The following NKD1 variants were observed in gnomAD, a reference collection of about 807,000 sequenced individuals.
NKD1 encodes the protein protein naked cuticle homolog 1.
A neutral mutation model predicts 56.0 loss-of-function variants in NKD1; 21 were observed. The ratio of observed to expected loss-of-function variants is 0.38; its 90% confidence interval spans 0.27 to 0.54. NKD1 has a LOEUF of 0.54. Among genes scored for constraint, NKD1 ranks in the 20% least tolerant of loss-of-function variants. The probability of loss-of-function intolerance (pLI) is 0.82; values close to 1 mark genes in which losing one functional copy is unlikely to be tolerated. For synonymous variants in NKD1, 263 were observed against 265.7 expected (o/e 0.99, Z 0.10); for missense variants, 578 against 642.7 (o/e 0.90, Z 1.09).
rs149792583 is a variant in NKD1, at chr16:50,632,930, C to T, written c.824-262C>T. On this transcript the variant is annotated intron_variant, in intron 9 of 9. Coordinates refer to ENST00000268459, the MANE Select transcript of NKD1 (RefSeq NM_033119.5). The surrounding 1 kb of genome is among the most constrained non-coding windows in gnomAD (Gnocchi z 4.1). ...TGCCCCAGTGACCTTAGATAGTTTT[C>T]GGGGTCTCTGCTGCCATCTGTCTTT... 3.0e-3 allele frequency among the ~76,000 whole-genome samples: 459 copies of T among 152,242 alleles called. 2 individuals are homozygous for T. Among genetic ancestry groups the T allele is most frequent in the Middle Eastern group, 0.01 (3 of 294 alleles).
At chr16:50,592,117 C>T (rs1304395643) in intron 3 of NKD1, among the ~76,000 whole-genome samples, 1 of 152,226 alleles carries the variant, frequency 6.6e-6, no homozygotes, top group Non-Finnish European at 1.5e-5. Flanking sequence ...GACGCCAGGC[C>T]TGTGTTTTGA....
At chr16:50,563,381 C>A (rs1960686733) in intron 3 of NKD1, among the ~76,000 whole-genome samples, 1 of 147,398 alleles carries the variant, frequency 6.8e-6, no homozygotes. Flanking sequence ...ATGGAGAAGA[C>A]CCTGTGTGTC....
rs1483596865 is a variant in NKD1, at chr16:50,562,983, A to ACCCCCCCCCCCCCCCCCCCC, written c.192+13430_192+13431insCCCCCCCCCCCCCCCCCCCC. Among the ~76,000 whole-genome samples, 7 of 53,494 alleles carry ACCCCCCCCCCCCCCCCCCCC rather than the reference A, an allele frequency of 1.3e-4. 1 individual carries two copies. Among genetic ancestry groups the ACCCCCCCCCCCCCCCCCCCC allele is most frequent in the African/African-American group, 7.0e-4 (7 of 10,002 alleles). The allele number at this position is 53,494 out of a possible 152,430, so 35.1% of individuals were successfully genotyped here. On this transcript the variant is annotated intron_variant, in intron 3 of 9. Transcript: ENST00000268459. ...CTTGAAAGGGCTGCTAGGTCCCACC[A>ACCCCCCCCCCCCCCCCCCCC]CCACCCCCCCCCCCCGCCGTAGAAT...
chr16:50,588,332 C>T (rs571013755), intron 3 of NKD1, among the ~76,000 whole-genome samples: 12 of 152,358 alleles, frequency 7.9e-5, no homozygotes, highest in African/African-American at 2.4e-4. Context: ...ACCCTAACAG[C>T]AGGTAACGGT....
At chr16:50,606,119 G>T (rs531838886) in intron 3 of NKD1, 1 of 151,072 alleles carries the variant, frequency 6.6e-6, no homozygotes, top group African/African-American at 2.4e-5. Flanking sequence ...GTGCAGTGGC[G>T]CAATCTCAGC....
In NKD1 at chr16:50,598,262, T is replaced by TGTGTGTGTGTGTGTGTGTGTGCGCGCGC. The variant is rs138964473; in HGVS notation, c.193-10031_193-10030insTGTGTGTGTGTGTGTGTGTGCGCGCGCG. Among the ~76,000 whole-genome samples the TGTGTGTGTGTGTGTGTGTGTGCGCGCGC allele has an allele frequency of 2.7e-5, 4 of 148,668 alleles. No individual in the cohort carries two copies. The highest frequency in any genetic ancestry group is 1.3e-4 in the Admixed American group (2 of 15,128). On this transcript the variant is annotated intron_variant, in intron 3 of 9. Coordinates refer to ENST00000268459, the MANE Select transcript of NKD1 (RefSeq NM_033119.5). This position sits in a 1 kb window ranked among gnomAD's most constrained non-coding sequence, Gnocchi z 4.2. ...GTGTGTGTGTGTGTGTGTGTGTGTG[T>TGTGTGTGTGTGTGTGTGTGTGCGCGCGC]GCGCGCACACCTGTGCTCATGGACA...
rs34109432 is a variant in NKD1, at chr16:50,567,005, G to GCC, written c.192+17458_192+17459dup. On this transcript the variant is annotated intron_variant, in intron 3 of 9. Coordinates refer to ENST00000268459, the MANE Select transcript of NKD1 (RefSeq NM_033119.5). The stretch of plus-strand genomic sequence containing the variant: ...AGGAACTCCTGTTTTAGTTTTTATG[G>GCC]CCCCCCCCCTTTTTTTTTAAGACTT... 2.8e-3 allele frequency among the ~76,000 whole-genome samples: 413 copies of GCC among 147,548 alleles called. 1 individual carries two copies. The highest frequency in any genetic ancestry group is 6.9e-3 in the Middle Eastern group (2 of 290).
chr16:50,615,525 G>A (rs1961940621), intron 4 of NKD1, among the ~76,000 whole-genome samples: 1 of 152,202 alleles, frequency 6.6e-6, no homozygotes, highest in Non-Finnish European at 1.5e-5. Flanking sequence ...AGTGGGAATT[G>A]CAGAGCTGGA....
At chr16:50,610,883 A>G (rs1961831217) in intron 4 of NKD1, among the ~76,000 whole-genome samples, 1 of 152,148 alleles carries the variant, frequency 6.6e-6, no homozygotes. Flanking sequence ...GTAAACATCA[A>G]AAGTCTCAAG....
In NKD1 at chr16:50,649,243, A is replaced by G. The variant is rs1313438542; in HGVS notation, c.*15462A>G. On this transcript the variant is annotated 3_prime_UTR_variant, in exon 10 of 10. Transcript: ENST00000268459. ...AATTATTTCAAAATAAAAAAATTTT[A>G]AAAATAGTGGCGTTGCTCAGATCTC... 6.6e-6 allele frequency: 1 copy of G among 152,198 alleles called. No homozygotes were observed. Among genetic ancestry groups the G allele is most frequent in the Non-Finnish European group, 1.5e-5 (1 of 68,030 alleles). The allele number at this position is 152,198 out of a possible 1,614,324, so 9.4% of individuals were successfully genotyped here.
At chr16:50,612,302 T>C (rs1010175572) in intron 4 of NKD1, among the ~76,000 whole-genome samples, 2 of 152,220 alleles carry the variant, frequency 1.3e-5, no homozygotes, top group African/African-American at 4.8e-5. Flanking sequence ...GGGAGGCCTG[T>C]ACTTCCTTTC....
At chr16:50,620,323 G>A (rs1193110617) in intron 4 of NKD1, among the ~76,000 whole-genome samples, 1 of 152,238 alleles carries the variant, frequency 6.6e-6, no homozygotes, top group Non-Finnish European at 1.5e-5. Flanking sequence ...AAGCTGGGGT[G>A]TGTGAGTGTG....
chr16:50,629,825 G>T (rs1962303258), intron 6 of NKD1, among the ~76,000 whole-genome samples: 1 of 152,164 alleles, frequency 6.6e-6, no homozygotes, highest in South Asian at 2.1e-4. Flanking sequence ...GGAGCTCTCA[G>T]GCAGTGAGGA....
At chr16:50,596,853 G>A (rs1046925611) in intron 3 of NKD1, among the ~76,000 whole-genome samples, 1 of 152,370 alleles carries the variant, frequency 6.6e-6, no homozygotes, top group East Asian at 1.9e-4. Flanking sequence ...AGGAGGGGCA[G>A]GAGGGAGGGG....
intron 6 of NKD1, among the ~76,000 whole-genome samples, chr16:50,627,274 G>A (rs1320941383): frequency 1.3e-5 from 2 of 152,204 alleles, no homozygotes; most frequent in African/African-American, 4.8e-5. Flanking sequence ...TGTTTCCTCA[G>A]TCTATTTCCT....
chr16:50,568,821 G>A (rs932998715), intron 3 of NKD1, among the ~76,000 whole-genome samples: 1 of 152,168 alleles, frequency 6.6e-6, no homozygotes, highest in Non-Finnish European at 1.5e-5. Flanking sequence ...ACTGACCTTT[G>A]TGTGTTAGGA....
At position 50,623,583 on chromosome 16, in the gene NKD1, C is replaced by A. The variant is rs1281600347; in HGVS notation, c.366+1875C>A. Among the ~76,000 whole-genome samples the A allele has an allele frequency of 6.6e-6, 1 of 152,082 alleles. No individual in the cohort carries two copies. Among genetic ancestry groups the A allele is most frequent in the African/African-American group, 2.4e-5 (1 of 41,400 alleles). ...TTGGGACTGAGCTGTGGTCCATGGG[C>A]AGGACTCAACTGAGCTGAGAAGCCC... is the stretch of plus-strand genomic sequence containing the variant. On this transcript the variant is annotated intron_variant, in intron 5 of 9. Transcript: ENST00000268459. This position sits in a 1 kb window ranked among gnomAD's most constrained non-coding sequence, Gnocchi z 4.1.
At chr16:50,549,325 G>T (rs1474483113) in intron 2 of NKD1, 97 bp from the exon 3 acceptor site, 1 of 1,478,584 alleles carries the variant, frequency 6.8e-7, no homozygotes. Context: ...CCGTGCCGTG[G>T]TCCTTCGCCT....
intron 3 of NKD1, among the ~76,000 whole-genome samples, chr16:50,582,588 G>A (rs1222255220): frequency 6.6e-6 from 1 of 152,222 alleles, no homozygotes; most frequent in African/African-American, 2.4e-5. Context: ...TTCCAAGGCT[G>A]CTACCTTTGT....
Sources: gnomAD v4.1 joint callset for allele counts (sites outside exome capture counted in the v4.1 genomes callset) on GRCh38, gnomAD v4.1.1 for gene constraint, Gnocchi (gnomAD v3.1) non-coding constraint, MANE v1.5 for transcripts, NCBI Gene and HGNC (gene_info 2026-07-23, HGNC 2026-07-21) for gene names.